Variants in UBE2O observed in about 807,000 individuals in gnomAD.
UBE2O encodes ubiquitin conjugating enzyme E2 O.
A neutral mutation model predicts 125.8 loss-of-function variants in UBE2O; 15 were observed. That is an observed-to-expected ratio of 0.12 (90% CI 0.08 to 0.18). The LOEUF (loss-of-function observed/expected upper bound fraction) is 0.18, where lower values mean the gene tolerates loss of function less well. Ranked by LOEUF, UBE2O falls within the 10% of genes least tolerant of loss-of-function variation. The probability of loss-of-function intolerance (pLI) is 1.00; values close to 1 mark genes in which losing one functional copy is unlikely to be tolerated. For synonymous variants in UBE2O, 708 were observed against 703.2 expected, an observed-to-expected ratio of 1.01 and a Z score of -0.11; for missense variants, 1,280 against 1,723.6, an observed-to-expected ratio of 0.74 and a Z score of 4.56.
At chr17:76,406,211 T>C (rs549089114) in intron 1 of UBE2O, among the ~76,000 whole-genome samples, 35 of 152,354 alleles carry the variant, frequency 2.3e-4, no homozygotes, top group African/African-American at 7.0e-4. Flanking sequence ...CCTGATTGTC[T>C]CTTTACGCAC....
intron 1 of UBE2O, among the ~76,000 whole-genome samples, chr17:76,414,781 G>A (rs561262447): frequency 3.2e-4 from 48 of 152,314 alleles, no homozygotes; most frequent in South Asian, 1.0e-3. Flanking sequence ...CAGATGCTGC[G>A]GTGTTTGATA....
At chr17:76,424,861 T>A (rs573663681) in intron 1 of UBE2O, among the ~76,000 whole-genome samples, 28 of 148,786 alleles carry the variant, frequency 1.9e-4, no homozygotes, top group Non-Finnish European at 2.7e-4. Context: ...TTTTTTTTTT[T>A]TATTTTTTAT....
At chr17:76,415,815 G>GTT (rs1361878470) in intron 1 of UBE2O, among the ~76,000 whole-genome samples, 1 of 151,672 alleles carries the variant, frequency 6.6e-6, no homozygotes, top group Non-Finnish European at 1.5e-5. Context: ...GTGTGTGTGT[G>GTT]TGTGTGTGTG....
intron 1 of UBE2O, among the ~76,000 whole-genome samples, chr17:76,445,507 T>A (rs781252208): frequency 6.6e-6 from 1 of 152,172 alleles, no homozygotes; most frequent in Non-Finnish European, 1.5e-5. Context: ...GAGTGGTATG[T>A]CAACTGACTG....
chr17:76,450,399 C>T (rs544803619), intron 1 of UBE2O, among the ~76,000 whole-genome samples: 1 of 152,216 alleles, frequency 6.6e-6, no homozygotes, highest in Admixed American at 6.5e-5. Flanking sequence ...CCAAAACAAA[C>T]CTATTCTAAA....
chr17:76,400,548 C>A lies in UBE2O; in HGVS notation c.897G>T (p.Val299=). 1 of 1,609,616 alleles carries A rather than the reference C, an allele frequency of 6.2e-7. No homozygotes were observed. The highest frequency in any genetic ancestry group is 8.5e-7 in the Non-Finnish European group (1 of 1,177,638). The part of the protein sequence containing the change: ...KSKFRVVVEE[V]QVVELKVTWI... The stretch of plus-strand genomic sequence containing the variant: ...ATGTAACTTTCAACTCTACAACCTG[C>A]ACCTGGGGATGGCAGGTGGGACACG... The change falls in exon 7 of 18, where the codon GTG becomes GTT. Residue 299 remains valine, a splice_region_variant and synonymous_variant. Transcript: ENST00000319380. The surrounding 1 kb of genome is among the most constrained non-coding windows in gnomAD (Gnocchi z 4.3).
At chr17:76,445,535 A>C (rs2073137794) in intron 1 of UBE2O, among the ~76,000 whole-genome samples, 1 of 152,174 alleles carries the variant, frequency 6.6e-6, no homozygotes, top group Non-Finnish European at 1.5e-5. Context: ...TAAACCATAA[A>C]AATGTGCTTT....
intron 1 of UBE2O, among the ~76,000 whole-genome samples, chr17:76,444,405 G>C (rs1598624092): frequency 6.6e-6 from 1 of 152,234 alleles, no homozygotes; most frequent in African/African-American, 2.4e-5. Flanking sequence ...ATTTTAAAAA[G>C]CCGAGTGTGT....
rs553790069 is a variant in UBE2O at position 76,417,690 on chromosome 17, G to A, written c.418-12118C>T. Among the ~76,000 whole-genome samples, 24 of 139,816 alleles carry A rather than the reference G, an allele frequency of 1.7e-4. No individual in the cohort carries two copies. In the South Asian group the frequency reaches 3.6e-3, roughly 21 times the overall value. The allele number at this position is 139,816 out of a possible 152,430, so 91.7% of individuals were successfully genotyped here. A position where few individuals can be genotyped will look rare whatever the true frequency, so the allele number is the denominator to read the frequency against. On this transcript the variant is annotated intron_variant, in intron 1 of 17. Transcript: ENST00000319380. The stretch of plus-strand genomic sequence containing the variant: ...ACCACCTGGCAGAGAGCACCACGAA[G>A]GGCCTTCGACTACAGGAGGAAAGAA...
chr17:76,421,645 G>A (rs1178170972), intron 1 of UBE2O, among the ~76,000 whole-genome samples: 3 of 152,112 alleles, frequency 2.0e-5, no homozygotes, highest in East Asian at 1.9e-4. Flanking sequence ...GATTACAGGC[G>A]TGAGCCACCA....
intron 1 of UBE2O, among the ~76,000 whole-genome samples, chr17:76,436,047 G>A (rs2072992452): frequency 6.6e-6 from 1 of 152,220 alleles, no homozygotes; most frequent in Non-Finnish European, 1.5e-5. Context: ...AGGAGTATGA[G>A]ACTAGCCTGG....
chr17:76,427,771 C>T (rs2072836059), intron 1 of UBE2O, among the ~76,000 whole-genome samples: 1 of 152,206 alleles, frequency 6.6e-6, no homozygotes, highest in African/African-American at 2.4e-5. Context: ...CCAACACAAT[C>T]CAGAGTGTGG....
In UBE2O at chr17:76,404,914, T is replaced by C. The variant is rs990123496; in HGVS notation, c.588+292A>G. The stretch of plus-strand genomic sequence containing the variant: ...CATTAAAAAAATAAACTATTTCCAA[T>C]AATTTATTTTTTTAAAGAAATGTTA... On this transcript the variant is annotated intron_variant, in intron 3 of 17. Transcript: ENST00000319380. This position sits in a 1 kb window ranked among gnomAD's most constrained non-coding sequence, Gnocchi z 4.3. 6.6e-6 allele frequency among the ~76,000 whole-genome samples: 1 copy of C among 152,062 alleles called. No individual in the cohort carries two copies. The highest frequency in any genetic ancestry group is 2.4e-5 in the African/African-American group (1 of 41,388).
chr17:76,399,007 A>G lies in UBE2O; in HGVS notation c.1629-16T>C. 1 of 1,612,660 alleles carries G rather than the reference A, an allele frequency of 6.2e-7. No homozygotes were observed. Among genetic ancestry groups the G allele is most frequent in the Non-Finnish European group, 8.5e-7 (1 of 1,179,462 alleles). ...CACTGCCACCCTGCGGGTGCAGGCC[A>G]GTCAGCAGGCCATGCAAACCCCACC... On this transcript the variant is annotated splice_polypyrimidine_tract_variant and intron_variant, in intron 9 of 17. Coordinates refer to ENST00000319380, the MANE Select transcript of UBE2O (RefSeq NM_022066.4). The surrounding 1 kb of genome is among the most constrained non-coding windows in gnomAD (Gnocchi z 6.9).
At chr17:76,446,458 C>CA (rs199863143) in intron 1 of UBE2O, among the ~76,000 whole-genome samples, 2 of 118,248 alleles carry the variant, frequency 1.7e-5, no homozygotes, top group African/African-American at 7.2e-5. Flanking sequence ...AAAACAAAAA[C>CA]AAACAAAAAA....
In UBE2O at chr17:76,445,113, T is replaced by C. The variant is rs544863978; in HGVS notation, c.417+7612A>G. ...GCTGAGTGTGAAAAGACCAGCTCTC[T>C]TGCAGGATGCAAATGAAGGCCTCTC... On this transcript the variant is annotated intron_variant, in intron 1 of 17. Transcript: ENST00000319380. Among the ~76,000 whole-genome samples, 3 of 152,326 alleles carry C rather than the reference T, an allele frequency of 2.0e-5. No individual in the cohort carries two copies. In the East Asian group the frequency reaches 5.8e-4, roughly 29 times the overall value.
chr17:76,390,714 AT>A lies in UBE2O; in HGVS notation c.*228del, dbSNP rs2072092764. 2.3e-6 allele frequency: 1 copy of A among 437,758 alleles called. No homozygotes were observed. Among genetic ancestry groups the A allele is most frequent in the Non-Finnish European group, 4.0e-6 (1 of 247,620 alleles). 27.1% of individuals were successfully genotyped at this position (437,758 alleles called of 1,614,324 possible). On this transcript the variant is annotated 3_prime_UTR_variant, in exon 18 of 18. Transcript: ENST00000319380. ...ATGGAAAATCGGCAACAGGGTTCCG[AT>A]TTTCTTTGCCACAGGGGACCCGCCT... is the stretch of plus-strand genomic sequence containing the variant.
chr17:76,437,587 T>C (rs907710664), intron 1 of UBE2O, among the ~76,000 whole-genome samples: 2 of 152,156 alleles, frequency 1.3e-5, no homozygotes, highest in Non-Finnish European at 2.9e-5. Context: ...CTGATGTTAA[T>C]ATCTTTTTTG....
At position 76,400,117 on chromosome 17, in the gene UBE2O, G is replaced by A; in HGVS notation, c.1155+30C>T. On this transcript the variant is annotated intron_variant, in intron 8 of 17. Transcript: ENST00000319380. The surrounding 1 kb of genome is among the most constrained non-coding windows in gnomAD (Gnocchi z 4.3). ...ATGGCTCAAGGCCAGTTCCTCAAAT[G>A]CCCACCAATCCCCAACCCCAAGGAC... The A allele has an allele frequency of 6.2e-7, 1 of 1,601,468 alleles. No individual in the cohort carries two copies. Among genetic ancestry groups the A allele is most frequent in the Non-Finnish European group, 8.5e-7 (1 of 1,172,416 alleles).
Sources: gnomAD v4.1 joint callset for allele counts (sites outside exome capture counted in the v4.1 genomes callset) on GRCh38, gnomAD v4.1.1 for gene constraint, Gnocchi (gnomAD v3.1) non-coding constraint, MANE v1.5 for transcripts, NCBI Gene and HGNC (gene_info 2026-07-23, HGNC 2026-07-21) for gene names.